The following SLC7A2 variants were observed in gnomAD, a reference collection of about 807,000 sequenced individuals.
The protein encoded by SLC7A2 is cationic amino acid transporter 2.
In SLC7A2, 48 loss-of-function variants were observed where a neutral mutation model predicts 58.9. The ratio of observed to expected loss-of-function variants is 0.82; its 90% CI spans 0.65 to 1.04. The LOEUF (loss-of-function observed/expected upper bound fraction) is 1.04. Ranked by LOEUF, SLC7A2 falls within the 50% of genes least tolerant of loss-of-function variation. The pLI is 0.00. For missense variants in SLC7A2, 1,029 were observed against 818.8 expected (o/e 1.26, Z -3.13); for synonymous variants, 363 against 314.5 (o/e 1.15, Z -1.63).
chr8:17,564,681 A>G (rs1215950127), intron 12 of SLC7A2, among the ~76,000 whole-genome samples: 2 of 152,152 alleles, frequency 1.3e-5, no homozygotes, highest in Admixed American at 6.5e-5. Flanking sequence ...CTGCTCTGAC[A>G]GGAGGCAGAG....
intron 9 of SLC7A2, among the ~76,000 whole-genome samples, chr8:17,559,055 G>A (rs1802839421): frequency 6.6e-6 from 1 of 152,222 alleles, no homozygotes; most frequent in East Asian, 1.9e-4. Flanking sequence ...ATTATGGCTG[G>A]TTTTGAATTT....
chr8:17,524,956 T>G (rs2150697961), intron 2 of SLC7A2, among the ~76,000 whole-genome samples: 1 of 152,204 alleles, frequency 6.6e-6, no homozygotes, highest in African/African-American at 2.4e-5. Flanking sequence ...TACCAAAAAT[T>G]TTTGACTGGG....
chr8:17,514,653 C>T (rs1231916590), intron 2 of SLC7A2, among the ~76,000 whole-genome samples: 1 of 152,106 alleles, frequency 6.6e-6, no homozygotes. Context: ...TCTTAGATTC[C>T]ACAGTCATTT....
At chr8:17,545,298 C>G (rs947184582) in intron 4 of SLC7A2, among the ~76,000 whole-genome samples, 4 of 151,562 alleles carry the variant, frequency 2.6e-5, no homozygotes, top group African/African-American at 7.3e-5. Flanking sequence ...ATAGCCTTCT[C>G]GTTTGGTTCC....
chr8:17,549,098 A>T (rs573008085), intron 5 of SLC7A2, among the ~76,000 whole-genome samples: 1 of 152,252 alleles, frequency 6.6e-6, no homozygotes, highest in South Asian at 2.1e-4. Context: ...CCCTTATAAA[A>T]CCATCAGCTC....
At chr8:17,557,756 G>T (rs1802777439) in intron 8 of SLC7A2, among the ~76,000 whole-genome samples, 1 of 152,072 alleles carries the variant, frequency 6.6e-6, no homozygotes, top group Non-Finnish European at 1.5e-5. Context: ...TGGACCAGGG[G>T]GGTGGAGATT....
chr8:17,559,558 C>G (rs1802864161), intron 9 of SLC7A2, among the ~76,000 whole-genome samples: 1 of 150,892 alleles, frequency 6.6e-6, no homozygotes, highest in South Asian at 2.1e-4. Flanking sequence ...AAGAGCGAAA[C>G]TCTGTCTCAA....
At chr8:17,497,544 G>C (rs1439583911) in intron 1 of SLC7A2, among the ~76,000 whole-genome samples, 1 of 152,202 alleles carries the variant, frequency 6.6e-6, no homozygotes, top group Non-Finnish European at 1.5e-5. Context: ...CGGGGACTTC[G>C]GGGACCGCTG....
chr8:17,553,959 C>T (rs1406682250), intron 7 of SLC7A2, among the ~76,000 whole-genome samples: 1 of 152,106 alleles, frequency 6.6e-6, no homozygotes, highest in Non-Finnish European at 1.5e-5. Context: ...TCACTGTGGC[C>T]ACATCTGTAT....
intron 7 of SLC7A2, among the ~76,000 whole-genome samples, chr8:17,553,699 G>C (rs1407935427): frequency 6.6e-6 from 1 of 152,164 alleles, no homozygotes; most frequent in African/African-American, 2.4e-5. Flanking sequence ...GATCGCTTGA[G>C]CCCAGGAGTT....
At chr8:17,536,270 G>T (rs1563457726) in intron 2 of SLC7A2, among the ~76,000 whole-genome samples, 1 of 152,034 alleles carries the variant, frequency 6.6e-6, no homozygotes, top group African/African-American at 2.4e-5. Context: ...TGTCTAAAAA[G>T]AAAAGATATT....
intron 2 of SLC7A2, among the ~76,000 whole-genome samples, chr8:17,534,934 A>C (rs2705073): frequency 0.081 from 12,287 of 152,026 alleles, 641 homozygotes; most frequent in East Asian, 0.26. Context: ...TCTGTTGTCC[A>C]CCTGTATCTC....
chr8:17,562,169 G>C (rs1212071277), intron 11 of SLC7A2, 59 bp downstream of exon 11: 2 of 681,454 alleles, frequency 2.9e-6, no homozygotes, highest in Non-Finnish European at 2.1e-6. Context: ...TGTATAATTA[G>C]TTTGGTAAGT....
In SLC7A2 at chr8:17,548,827, A is replaced by T; in HGVS notation, c.682A>T (p.Ile228Leu). The change falls in exon 5 of 13, where the codon ATA becomes TTA. Residue 228 changes from isoleucine (I) to leucine (L), a missense_variant. Coordinates refer to ENST00000494857, the MANE Select transcript of SLC7A2 (RefSeq NM_001370338.1). ...WKISEEFLKN[I>L]SASAREPPSE... ...GATTAGTGAAGAGTTTCTCAAAAATATATCAGCAAGTGCCAGGTAAAATAT... is the reference window on the plus strand; with the variant it reads ...GATTAGTGAAGAGTTTCTCAAAAATTTATCAGCAAGTGCCAGGTAAAATAT... The T allele has an allele frequency of 2.5e-6, 4 of 1,606,500 alleles. No homozygotes were observed. Among genetic ancestry groups the T allele is most frequent in the African/African-American group, 1.3e-5 (1 of 74,116 alleles).
intron 1 of SLC7A2, among the ~76,000 whole-genome samples, chr8:17,499,767 A>G (rs894094865): frequency 2.0e-5 from 3 of 152,086 alleles, no homozygotes; most frequent in African/African-American, 7.2e-5. Context: ...GGGCTTGAAA[A>G]TCGAAGCTGT....
chr8:17,509,250 A>G (rs1026654055), intron 2 of SLC7A2, among the ~76,000 whole-genome samples: 3 of 152,192 alleles, frequency 2.0e-5, no homozygotes, highest in African/African-American at 7.2e-5. Context: ...AATTCAGGCT[A>G]TTTTCAAGAA....
chr8:17,548,804 T>G lies in SLC7A2; in HGVS notation c.659T>G (p.Ile220Ser), dbSNP rs1802300122. The G allele has an allele frequency of 1.9e-6, 3 of 1,613,450 alleles. No homozygotes were observed. The East Asian group carries it at 6.7e-5, about 36-fold the overall frequency. The stretch of plus-strand genomic sequence containing the variant: ...AAAGGAAATGTGGCAAACTGGAAGA[T>G]TAGTGAAGAGTTTCTCAAAAATATA... ...FVKGNVANWK[I>S]SEEFLKNISA... The change falls in exon 5 of 13, where the codon ATT (isoleucine) becomes AGT (serine). Residue 220 changes from isoleucine (I) to serine (S), a missense_variant. Ile to Ser is a moderately radical substitution (Grantham distance 142, BLOSUM62 -2). Transcript: ENST00000494857.
chr8:17,560,109 T>A (rs1802893779), intron 9 of SLC7A2, among the ~76,000 whole-genome samples: 1 of 152,178 alleles, frequency 6.6e-6, no homozygotes, highest in African/African-American at 2.4e-5. Context: ...TGACTCTGAT[T>A]TGGTGACTAC....
intron 2 of SLC7A2, among the ~76,000 whole-genome samples, chr8:17,524,293 A>T (rs966814450): frequency 1.4e-4 from 22 of 152,204 alleles, no homozygotes; most frequent in African/African-American, 5.3e-4. Flanking sequence ...TATGAAAAAG[A>T]TACTTGCACA....
Sources: gnomAD v4.1 joint callset for allele counts (sites outside exome capture counted in the v4.1 genomes callset) on GRCh38, gnomAD v4.1.1 for gene constraint, MANE v1.5 for transcripts, NCBI Gene and HGNC (gene_info 2026-07-23, HGNC 2026-07-21) for gene names.